The following AFF1 variants were observed in gnomAD, a reference collection of about 807,000 sequenced individuals.
AFF1 encodes ALF transcription elongation factor 1.
A neutral mutation model predicts 121.7 loss-of-function variants in AFF1; 48 were observed. The ratio of observed to expected loss-of-function variants is 0.39; its 90% confidence interval spans 0.31 to 0.50. The LOEUF is 0.50. Among genes scored for constraint, AFF1 ranks in the 20% least tolerant of loss-of-function variants. The pLI is 0.76. For missense variants in AFF1, 1,523 were observed against 1,511.7 expected (o/e 1.01, Z -0.12); for synonymous variants, 613 against 563.0 (o/e 1.09, Z -1.26).
At chr4:87,097,202 C>T (rs546211519) in intron 8 of AFF1, among the ~76,000 whole-genome samples, 48 of 152,344 alleles carry the variant, frequency 3.2e-4, no homozygotes, top group African/African-American at 1.1e-3. Context: ...GGTATCCCAA[C>T]TGACTGTAAG....
intron 2 of AFF1, among the ~76,000 whole-genome samples, chr4:87,038,756 G>C (rs1729813733): frequency 6.6e-6 from 1 of 152,212 alleles, no homozygotes; most frequent in Non-Finnish European, 1.5e-5. Flanking sequence ...CCTTTCCAGA[G>C]TTAATGTACA....
At chr4:86,993,158 TAAAA>T (rs1320573779) in intron 2 of AFF1, among the ~76,000 whole-genome samples, 1 of 152,180 alleles carries the variant, frequency 6.6e-6, no homozygotes, top group Non-Finnish European at 1.5e-5. Flanking sequence ...AGATGGAAGG[TAAAA>T]TCCATACCTC....
intron 2 of AFF1, among the ~76,000 whole-genome samples, chr4:87,008,161 G>A (rs1367099517): frequency 6.6e-6 from 1 of 152,222 alleles, no homozygotes; most frequent in African/African-American, 2.4e-5. Context: ...TTTGACAGCA[G>A]TTGGTGCTAA....
intron 2 of AFF1, among the ~76,000 whole-genome samples, chr4:86,983,483 C>T (rs984560230): frequency 5.3e-5 from 8 of 152,024 alleles, no homozygotes; most frequent in African/African-American, 1.7e-4. Flanking sequence ...GTGCCGAGAT[C>T]ACGCCATTGC....
intron 4 of AFF1, among the ~76,000 whole-genome samples, chr4:87,083,373 A>G (rs1723364967): frequency 6.6e-6 from 1 of 152,222 alleles, no homozygotes; most frequent in African/African-American, 2.4e-5. Context: ...GTATATATGC[A>G]TGTATGTATA....
intron 2 of AFF1, among the ~76,000 whole-genome samples, chr4:86,975,254 GTTTGT>G (rs1723221198): frequency 1.3e-5 from 2 of 151,292 alleles, no homozygotes; most frequent in Admixed American, 6.6e-5. Flanking sequence ...CTCTTTTTTT[GTTTGT>G]TTTGTTTTTG....
intron 11 of AFF1, among the ~76,000 whole-genome samples, chr4:87,113,559 G>A (rs779290840): frequency 2.0e-5 from 3 of 152,118 alleles, no homozygotes; most frequent in Admixed American, 6.5e-5. Flanking sequence ...CTGAATCACC[G>A]TATTGGTCGA....
intron 2 of AFF1, among the ~76,000 whole-genome samples, chr4:87,019,889 G>C (rs1560544398): frequency 7.5e-6 from 1 of 132,850 alleles, no homozygotes; most frequent in Non-Finnish European, 1.6e-5. Flanking sequence ...GGGGTCGGGG[G>C]GGGGCAGTCT....
intron 2 of AFF1, among the ~76,000 whole-genome samples, chr4:86,966,765 C>T (rs1278883793): frequency 1.3e-5 from 2 of 152,176 alleles, no homozygotes; most frequent in Non-Finnish European, 2.9e-5. Flanking sequence ...AATCATTCCT[C>T]CTCTTCTGTT....
intron 2 of AFF1, among the ~76,000 whole-genome samples, chr4:87,002,530 C>G (rs968702203): frequency 7.2e-6 from 1 of 138,240 alleles, no homozygotes; most frequent in Admixed American, 8.2e-5. Flanking sequence ...CTCCCAGGTT[C>G]AAGTAATTCT....
intron 2 of AFF1, among the ~76,000 whole-genome samples, chr4:86,964,059 C>T (rs1340705909): frequency 6.7e-6 from 1 of 149,978 alleles, no homozygotes; most frequent in African/African-American, 2.5e-5. Context: ...CTCAAGCAGT[C>T]CTCCTGCCTC....
chr4:87,138,383 G>T lies in AFF1; in HGVS notation c.*2682G>T, dbSNP rs375978553. The T allele has an allele frequency of 3.9e-4, 90 of 232,296 alleles. No homozygotes were observed. In the East Asian group the frequency reaches 4.3e-3, roughly 11 times the overall value. 14.4% of individuals were successfully genotyped at this position (232,296 alleles called of 1,614,324 possible). ...CTAGATTATAAAATTAAGCCTTAGAGTATGGAAAGTTCTTATAACAATAAT... is the reference window on the plus strand; with the variant it reads ...CTAGATTATAAAATTAAGCCTTAGATTATGGAAAGTTCTTATAACAATAAT... On this transcript the variant is annotated 3_prime_UTR_variant, in exon 21 of 21. Transcript: ENST00000395146.
At chr4:87,014,189 A>G (rs1012346780) in intron 2 of AFF1, among the ~76,000 whole-genome samples, 3 of 152,106 alleles carry the variant, frequency 2.0e-5, no homozygotes, top group Non-Finnish European at 4.4e-5. Flanking sequence ...GCACCTTCCC[A>G]AGAATTGTTT....
intron 19 of AFF1, 80 bp downstream of exon 19, chr4:87,132,488 T>A: frequency 1.4e-6 from 2 of 1,393,062 alleles, no homozygotes; most frequent in Non-Finnish European, 1.9e-6. Context: ...ACCATTTGTA[T>A]GCTTACATAT....
At chr4:87,025,593 C>G (rs1321513621) in intron 2 of AFF1, among the ~76,000 whole-genome samples, 1 of 152,154 alleles carries the variant, frequency 6.6e-6, no homozygotes, top group African/African-American at 2.4e-5. Flanking sequence ...AGATTTTACC[C>G]TTCCCTATCC....
intron 1 of AFF1, 83 bp from the exon 2 acceptor site, chr4:86,948,415 A>T (rs868694224): frequency 1.1e-6 from 1 of 876,590 alleles, no homozygotes; most frequent in South Asian, 1.9e-5. Context: ...TTCTGTCTCC[A>T]ATAAAGCTTC....
intron 1 of AFF1, among the ~76,000 whole-genome samples, chr4:86,942,577 A>G (rs1720540749): frequency 6.6e-6 from 1 of 152,244 alleles, no homozygotes; most frequent in Non-Finnish European, 1.5e-5. Context: ...CTTAGGTAAT[A>G]GATCATGTTT....
rs1292103699 is a variant in AFF1 at position 86,961,456 on chromosome 4, A to G, written c.38+12885A>G. Reference sequence around the variant, plus strand: ...CTCTAGCTGACTCTTCTTTTTTGACATGAATGAGATAAAAAGTTGTTCCTG... The same window carrying G: ...CTCTAGCTGACTCTTCTTTTTTGACGTGAATGAGATAAAAAGTTGTTCCTG... On this transcript the variant is annotated intron_variant, in intron 2 of 20. Transcript: ENST00000395146. 3.3e-5 allele frequency among the ~76,000 whole-genome samples: 5 copies of G among 152,072 alleles called. No individual in the cohort carries two copies. In the South Asian group the frequency reaches 1.0e-3, roughly 32 times the overall value.
intron 2 of AFF1, among the ~76,000 whole-genome samples, chr4:87,007,636 T>G (rs1726300047): frequency 6.6e-6 from 1 of 152,088 alleles, no homozygotes; most frequent in South Asian, 2.1e-4. Context: ...GAGAGAGGGA[T>G]GGAGTTAAAG....
Sources: allele counts gnomAD v4.1 joint callset (sites outside exome capture counted in the v4.1 genomes callset), GRCh38; gene constraint gnomAD v4.1.1; transcripts MANE v1.5; gene names NCBI Gene and HGNC (gene_info 2026-07-23, HGNC 2026-07-21).